Variants in KANK1 observed in about 807,000 individuals in gnomAD.
KANK1 encodes KN motif and ankyrin repeat domains 1.
A neutral mutation model predicts 106.2 loss-of-function variants in KANK1; 109 were observed. The ratio of observed to expected loss-of-function variants is 1.03; its 90% CI spans 0.88 to 1.20. The LOEUF (loss-of-function observed/expected upper bound fraction) is 1.20. Among genes scored for constraint, KANK1 ranks in the 50% most tolerant of loss-of-function variants. The pLI is 0.00. For synonymous variants in KANK1, 873 were observed against 652.2 expected (o/e 1.34, Z -5.16); for missense variants, 2,399 against 1,710.7 (o/e 1.40, Z -7.10).
chr9:739,462 C>G (rs1834759521), intron 8 of KANK1, among the ~76,000 whole-genome samples: 1 of 152,188 alleles, frequency 6.6e-6, no homozygotes, highest in Admixed American at 6.5e-5. Context: ...TCCTTCCTTT[C>G]TCTTATAAGT....
At chr9:536,202 A>C (rs906614944) in intron 1 of KANK1, among the ~76,000 whole-genome samples, 1 of 152,102 alleles carries the variant, frequency 6.6e-6, no homozygotes, top group Admixed American at 6.5e-5. Context: ...ATAGCCAGAC[A>C]TGGTGGCGGG....
intron 1 of KANK1, among the ~76,000 whole-genome samples, chr9:665,511 G>T (rs1021650491): frequency 2.6e-4 from 39 of 152,144 alleles, no homozygotes; most frequent in African/African-American, 9.2e-4. Context: ...TCACTATTCT[G>T]TTCAGTCGGT....
chr9:680,804 C>T (rs775114530), intron 2 of KANK1: 4 of 152,312 alleles, frequency 2.6e-5, no homozygotes, highest in Non-Finnish European at 4.4e-5. Flanking sequence ...GATTGCACCC[C>T]TGCCCTTCCT....
intron 1 of KANK1, among the ~76,000 whole-genome samples, chr9:556,916 T>G (rs1172164405): frequency 1.3e-5 from 2 of 152,192 alleles, no homozygotes; most frequent in Non-Finnish European, 2.9e-5. Flanking sequence ...GACTCCTGTT[T>G]GAACAAACCA....
chr9:605,420 C>T (rs752531090), intron 1 of KANK1, among the ~76,000 whole-genome samples: 1 of 151,492 alleles, frequency 6.6e-6, no homozygotes, highest in African/African-American at 2.4e-5. Context: ...GCATCTAAAA[C>T]AGGCAGAGAG....
chr9:741,394 A>G (rs898320011), intron 9 of KANK1, among the ~76,000 whole-genome samples: 1 of 150,396 alleles, frequency 6.6e-6, no homozygotes, highest in African/African-American at 2.5e-5. Flanking sequence ...ATCTTGGCTC[A>G]CTGCAACCAC....
chr9:681,720 C>T (rs1016206518), intron 2 of KANK1, among the ~76,000 whole-genome samples: 1 of 152,148 alleles, frequency 6.6e-6, no homozygotes, highest in Non-Finnish European at 1.5e-5. Context: ...CCCAGGTACC[C>T]TCATGTCAGG....
At chr9:575,861 A>G (rs1301936470) in intron 1 of KANK1, among the ~76,000 whole-genome samples, 1 of 152,168 alleles carries the variant, frequency 6.6e-6, no homozygotes, top group Non-Finnish European at 1.5e-5. Context: ...TGTCTCTATT[A>G]AAAATACAAA....
At chr9:513,204 T>C (rs374825331) in intron 1 of KANK1, among the ~76,000 whole-genome samples, 72 of 151,992 alleles carry the variant, frequency 4.7e-4, no homozygotes, top group African/African-American at 1.7e-3. Context: ...CCTGTTTGCC[T>C]TTTTCTTCCC....
chr9:667,431 T>C (rs1246714689), intron 1 of KANK1, among the ~76,000 whole-genome samples: 1 of 152,108 alleles, frequency 6.6e-6, no homozygotes, highest in African/African-American at 2.4e-5. Flanking sequence ...ATCTTTATTA[T>C]TTCCTTTCTC....
chr9:743,099 T>C (rs1011261696), intron 10 of KANK1, among the ~76,000 whole-genome samples: 3 of 152,134 alleles, frequency 2.0e-5, no homozygotes, highest in Admixed American at 6.6e-5. Context: ...AGGTAGGAAC[T>C]GGCATGTAGG....
chr9:725,036 T>A (rs1211822542), intron 3 of KANK1, among the ~76,000 whole-genome samples: 1 of 152,136 alleles, frequency 6.6e-6, no homozygotes, highest in Non-Finnish European at 1.5e-5. Context: ...CTGAATTCAG[T>A]ATTGTGTGTA....
At chr9:546,525 T>A (rs1316342354) in intron 1 of KANK1, among the ~76,000 whole-genome samples, 1 of 152,122 alleles carries the variant, frequency 6.6e-6, no homozygotes, top group Non-Finnish European at 1.5e-5. Context: ...GCTCCTTACA[T>A]ACTTTGCTGC....
rs114218421 is a variant in KANK1, at chr9:730,177, C to A, written c.2825C>A (p.Ala942Asp). 2.8e-4 allele frequency: 454 copies of A among 1,614,180 alleles called. 1 individual carries two copies. Among genetic ancestry groups the A allele is most frequent in the African/African-American group, 6.1e-4 (46 of 75,048 alleles). The stretch of plus-strand genomic sequence containing the variant: ...GGAAAGCCAATCAGCAGCCTGGATG[C>A]CTTCCCCACTCAGGAAGGTACGCTG... ...SEGKPISSLDAFPTQEGTLSP... is the reference protein window; with the variant it reads ...SEGKPISSLDDFPTQEGTLSP... The change falls in exon 4 of 12, where the codon GCC becomes GAC. Residue 942 changes from alanine to aspartate, a missense_variant. Coordinates refer to ENST00000382297, the MANE Select transcript of KANK1 (RefSeq NM_015158.5).
At chr9:493,531 G>C (rs1403455701) in intron 3 of KANK1, among the ~76,000 whole-genome samples, 1 of 150,764 alleles carries the variant, frequency 6.6e-6, no homozygotes, top group Non-Finnish European at 1.5e-5. Flanking sequence ...ATAGTCTCAT[G>C]CTGCTAGTTT....
intron 3 of KANK1, among the ~76,000 whole-genome samples, chr9:727,884 A>G (rs1831162131): frequency 6.6e-6 from 1 of 152,188 alleles, no homozygotes; most frequent in Admixed American, 6.6e-5. Flanking sequence ...CCCCCTAACC[A>G]ACGGAATAGA....
Position 711,165 on chromosome 9 carries a change from C to T in KANK1, c.399C>T (p.Thr133=), listed in dbSNP as rs117339307. 19 of 1,614,154 alleles carry T rather than the reference C, an allele frequency of 1.2e-5. No homozygotes were observed. In the East Asian group the frequency reaches 1.3e-4, roughly 11 times the overall value. ...PPLETSLPFL[T]IPENRQLPPP... is the part of the protein sequence containing the mutation. ...TGGAGACCTCACTCCCTTTTCTTACCATCCCAGAAAATCGACAGCTGCCAC... is the reference window on the plus strand; with the variant it reads ...TGGAGACCTCACTCCCTTTTCTTACTATCCCAGAAAATCGACAGCTGCCAC... The change falls in exon 3 of 12, where the codon ACC becomes ACT. Residue 133 remains threonine, a synonymous_variant. Transcript: ENST00000382297.
intron 1 of KANK1, among the ~76,000 whole-genome samples, chr9:625,725 G>A (rs1429341819): frequency 6.6e-6 from 1 of 152,162 alleles, no homozygotes; most frequent in Non-Finnish European, 1.5e-5. Context: ...AGAATAAAAT[G>A]AATGGGAAGA....
intron 2 of KANK1, chr9:693,838 G>A: frequency 6.1e-6 from 6 of 981,650 alleles, no homozygotes; most frequent in Non-Finnish European, 7.3e-6. Context: ...TGATGTTTGG[G>A]TGGGGGTTGG....
Sources: gnomAD v4.1 joint callset for allele counts (sites outside exome capture counted in the v4.1 genomes callset) on GRCh38, gnomAD v4.1.1 for gene constraint, MANE v1.5 for transcripts, NCBI Gene and HGNC (gene_info 2026-07-23, HGNC 2026-07-21) for gene names.